The following EDNRB variants were observed in gnomAD, a reference collection of about 807,000 sequenced individuals.
EDNRB encodes endothelin receptor type B, also known as Hirschsprung disease 2.
A neutral mutation model predicts 46.4 loss-of-function variants in EDNRB; 18 were observed. The ratio of observed to expected loss-of-function variants is 0.39; its 90% CI spans 0.27 to 0.57. EDNRB has a LOEUF of 0.57. EDNRB is among the 20% of genes least tolerant of loss of function. The probability of loss-of-function intolerance (pLI) is 0.61; values close to 1 mark genes in which losing one functional copy is unlikely to be tolerated. For synonymous variants in EDNRB, 213 were observed against 204.9 expected (o/e 1.04, Z -0.34); for missense variants, 434 against 537.5 (o/e 0.81, Z 1.90).
intron 1 of EDNRB, among the ~76,000 whole-genome samples, chr13:77,969,897 C>T (rs950632194): frequency 6.6e-6 from 1 of 152,090 alleles, no homozygotes; most frequent in Non-Finnish European, 1.5e-5. Context: ...AGCTGCATTC[C>T]ACCAACACCA....
chr13:77,922,123 A>ATT (rs34053276), upstream of EDNRB, among the ~76,000 whole-genome samples: 18 of 146,270 alleles, frequency 1.2e-4, no homozygotes, highest in African/African-American at 4.0e-4. Flanking sequence ...TTATGAGAGG[A>ATT]TTTTTTTTTT....
At chr13:77,916,857 A>G (rs906807221) in intron 1 of EDNRB, among the ~76,000 whole-genome samples, 1 of 152,062 alleles carries the variant, frequency 6.6e-6, no homozygotes, top group African/African-American at 2.4e-5. Flanking sequence ...TGCTGCTGGG[A>G]AAGTTTTAAA....
chr13:77,931,548 C>A (rs112061076), intron 1 of EDNRB, among the ~76,000 whole-genome samples: 15 of 151,982 alleles, frequency 9.9e-5, no homozygotes, highest in African/African-American at 3.6e-4. Context: ...CAGAGAAACA[C>A]TTTTTTATAG....
upstream of EDNRB, among the ~76,000 whole-genome samples, chr13:77,920,792 C>T (rs951917186): frequency 7.9e-5 from 12 of 152,178 alleles, no homozygotes; most frequent in Admixed American, 5.9e-4. Flanking sequence ...AGCCAAGTAA[C>T]AATATACAAT....
intron 4 of EDNRB, 85 bp downstream of exon 4, chr13:77,900,967 ATAATGT>A: frequency 6.7e-7 from 1 of 1,486,500 alleles, no homozygotes; most frequent in Non-Finnish European, 9.3e-7. Flanking sequence ...CTGGTATATA[ATAATGT>A]TAGTTTATCA....
intron 1 of EDNRB, among the ~76,000 whole-genome samples, chr13:77,960,223 G>C (rs1299759674): frequency 1.3e-5 from 2 of 152,112 alleles, no homozygotes; most frequent in Non-Finnish European, 2.9e-5. Context: ...GCAACTCCAA[G>C]ACACATAATT....
chr13:77,951,100 A>C (rs1266455704), intron 1 of EDNRB, among the ~76,000 whole-genome samples: 3 of 152,192 alleles, frequency 2.0e-5, no homozygotes, highest in Non-Finnish European at 4.4e-5. Context: ...GATAAACCAC[A>C]ACATGGACTT....
upstream of EDNRB, among the ~76,000 whole-genome samples, chr13:77,922,542 G>A (rs1314700243): frequency 2.6e-5 from 4 of 152,112 alleles, no homozygotes. Flanking sequence ...AGAAAGAGTT[G>A]GTTCAACTGG....
intron 1 of EDNRB, among the ~76,000 whole-genome samples, chr13:77,927,593 T>C (rs1184733402): frequency 6.6e-6 from 1 of 152,234 alleles, no homozygotes; most frequent in Non-Finnish European, 1.5e-5. Flanking sequence ...GAAAAGTCAG[T>C]GAATGATTAT....
chr13:77,896,362 G>A lies in EDNRB; in HGVS notation c.*1838C>T, dbSNP rs921424917. ...TCTAAAATGACTTCTATGATAACAG[G>A]CCTCTGAAAAAGTGATTGGGATGAA... is the stretch of plus-strand genomic sequence containing the variant. On this transcript the variant is annotated 3_prime_UTR_variant, in exon 7 of 7. Coordinates refer to ENST00000646607, the MANE Select transcript of EDNRB (RefSeq NM_001122659.3). 2 of 1,438,048 alleles carry A rather than the reference G, an allele frequency of 1.4e-6. No homozygotes were observed. Among genetic ancestry groups the A allele is most frequent in the Non-Finnish European group, 1.8e-6 (2 of 1,082,660 alleles). 89.1% of individuals were successfully genotyped at this position (1,438,048 alleles called of 1,614,324 possible). A position where few individuals can be genotyped will look rare whatever the true frequency, so the allele number is the denominator to read the frequency against.
intron 1 of EDNRB, among the ~76,000 whole-genome samples, chr13:77,975,155 G>C (rs1322752351): frequency 2.6e-5 from 4 of 152,188 alleles, no homozygotes; most frequent in Admixed American, 6.5e-5. Flanking sequence ...TGCCGGTACA[G>C]GCACACCATC....
intron 5 of EDNRB, 67 bp downstream of exon 5, chr13:77,900,450 TAAAA>T: frequency 6.2e-7 from 1 of 1,602,294 alleles, no homozygotes. Context: ...TTTCTGCCTA[TAAAA>T]AAGATCGATG....
In EDNRB at chr13:77,945,414, G is replaced by A. The variant is rs190399234; in HGVS notation, c.-51-26790C>T. ...ATATTTTGTAAATGGCCTGGAAGTCGTCATTCCCATTCTTACAACAAGAAA... is the reference window on the plus strand; with the variant it reads ...ATATTTTGTAAATGGCCTGGAAGTCATCATTCCCATTCTTACAACAAGAAA... On this transcript the variant is annotated intron_variant, in intron 1 of 7. Transcript: ENST00000646948. 1.3e-4 allele frequency among the ~76,000 whole-genome samples: 20 copies of A among 152,226 alleles called. No individual in the cohort carries two copies. The East Asian group carries it at 1.7e-3, about 13-fold the overall frequency.
At chr13:77,915,198 C>T (rs750099301) in intron 1 of EDNRB, among the ~76,000 whole-genome samples, 1 of 152,058 alleles carries the variant, frequency 6.6e-6, no homozygotes, top group Non-Finnish European at 1.5e-5. Flanking sequence ...GAATAAATGG[C>T]TTTTAACTGG....
chr13:77,951,593 T>C (rs1881091531), intron 1 of EDNRB, among the ~76,000 whole-genome samples: 2 of 152,008 alleles, frequency 1.3e-5, no homozygotes, highest in African/African-American at 4.8e-5. Context: ...AACCAAGAAA[T>C]TGATTGGTGC....
intron 1 of EDNRB, among the ~76,000 whole-genome samples, chr13:77,967,284 T>C (rs529078029): frequency 1.3e-5 from 2 of 152,280 alleles, no homozygotes; most frequent in Admixed American, 6.5e-5. Flanking sequence ...CTATAGAGGC[T>C]AAATAAACAT....
chr13:77,915,117 G>A (rs1879745614), intron 1 of EDNRB, among the ~76,000 whole-genome samples: 1 of 151,876 alleles, frequency 6.6e-6, no homozygotes, highest in Admixed American at 6.6e-5. Context: ...ACTTTTTTCT[G>A]AATGATCATA....
At chr13:77,915,039 C>T (rs1879741064) in intron 1 of EDNRB, among the ~76,000 whole-genome samples, 2 of 152,180 alleles carry the variant, frequency 1.3e-5, no homozygotes, top group South Asian at 4.2e-4. Flanking sequence ...AATTAGAAAT[C>T]ACTGGTTTAG....
At chr13:77,957,374 C>G (rs1019549763) in intron 1 of EDNRB, among the ~76,000 whole-genome samples, 2 of 152,154 alleles carry the variant, frequency 1.3e-5, no homozygotes, top group African/African-American at 2.4e-5. Context: ...CATTAGAATG[C>G]AAGCAGGCAA....
Sources: gnomAD v4.1 joint callset for allele counts (sites outside exome capture counted in the v4.1 genomes callset) on GRCh38, gnomAD v4.1.1 for gene constraint, MANE v1.5 for transcripts, NCBI Gene and HGNC (gene_info 2026-07-23, HGNC 2026-07-21) for gene names.